The following NELL1 variants were observed in gnomAD, a reference collection of about 807,000 sequenced individuals.
NELL1 encodes the protein neural EGFL like 1.
Under a neutral mutation model 107.4 loss-of-function variants are expected in NELL1, and 76 were observed. The ratio of observed to expected loss-of-function variants is 0.71; its 90% CI spans 0.59 to 0.86. The LOEUF is 0.86. NELL1 is among the 40% of genes least tolerant of loss of function. The pLI, the probability that NELL1 is intolerant of heterozygous loss-of-function variation, is 0.00. For synonymous variants in NELL1, 353 were observed against 341.2 expected (o/e 1.03, Z -0.38); for missense variants, 1,024 against 1,005.5 (o/e 1.02, Z -0.25).
intron 15 of NELL1, among the ~76,000 whole-genome samples, chr11:21,509,053 T>C (rs1235300060): frequency 6.6e-6 from 1 of 152,020 alleles, no homozygotes; most frequent in Non-Finnish European, 1.5e-5. Context: ...ACATAAATAG[T>C]AAAACAAATT....
chr11:21,207,934 T>A (rs1018739120), intron 13 of NELL1, among the ~76,000 whole-genome samples: 2 of 152,196 alleles, frequency 1.3e-5, no homozygotes, highest in Non-Finnish European at 2.9e-5. Context: ...TTATACAACA[T>A]GATGTTATGG....
chr11:21,074,974 G>A (rs1854100800), intron 12 of NELL1, among the ~76,000 whole-genome samples: 1 of 152,058 alleles, frequency 6.6e-6, no homozygotes, highest in Admixed American at 6.6e-5. Context: ...ATTTTGCATG[G>A]GTAGAGAACT....
intron 15 of NELL1, among the ~76,000 whole-genome samples, chr11:21,438,265 TTG>T (rs1491062379): frequency 1.2e-4 from 18 of 149,344 alleles, no homozygotes; most frequent in African/African-American, 4.5e-4. Flanking sequence ...GACAGTTTTT[TTG>T]TTTGTTTGTT....
intron 14 of NELL1, among the ~76,000 whole-genome samples, chr11:21,366,567 A>G (rs549184185): frequency 3.9e-5 from 6 of 152,228 alleles, no homozygotes; most frequent in African/African-American, 1.4e-4. Context: ...CGAAGCACAT[A>G]GAGCTTCCCA....
At chr11:21,513,116 C>A (rs1855480028) in intron 15 of NELL1, among the ~76,000 whole-genome samples, 1 of 152,144 alleles carries the variant, frequency 6.6e-6, no homozygotes, top group Non-Finnish European at 1.5e-5. Context: ...TGAAGTTGCA[C>A]AGAAGAGGTA....
intron 2 of NELL1, among the ~76,000 whole-genome samples, chr11:20,771,086 C>T (rs778266920): frequency 6.6e-6 from 1 of 152,046 alleles, no homozygotes; most frequent in African/African-American, 2.4e-5. Flanking sequence ...AAGCCCCCTC[C>T]ATCTCCCCAA....
At chr11:21,401,009 A>G (rs1396666540) in intron 15 of NELL1, among the ~76,000 whole-genome samples, 1 of 151,940 alleles carries the variant, frequency 6.6e-6, no homozygotes, top group African/African-American at 2.4e-5. Flanking sequence ...CAAATTTCAC[A>G]GTATGTATTT....
At chr11:21,045,992 A>G (rs1853344248) in intron 12 of NELL1, among the ~76,000 whole-genome samples, 1 of 151,938 alleles carries the variant, frequency 6.6e-6, no homozygotes, top group Non-Finnish European at 1.5e-5. Flanking sequence ...TTTCCATTGT[A>G]TTTTGTACCA....
intron 2 of NELL1, among the ~76,000 whole-genome samples, chr11:20,762,534 T>A (rs2133959036): frequency 6.6e-6 from 1 of 152,334 alleles, no homozygotes; most frequent in South Asian, 2.1e-4. Context: ...TTTTTAAATC[T>A]CCCCGATAAT....
At chr11:20,746,205 G>A (rs1367799807) in intron 2 of NELL1, among the ~76,000 whole-genome samples, 5 of 152,144 alleles carry the variant, frequency 3.3e-5, no homozygotes, top group Non-Finnish European at 7.3e-5. Flanking sequence ...GGCAGAGGGA[G>A]AAGCACAGGG....
chr11:21,481,582 G>A (rs1854493707), intron 15 of NELL1, among the ~76,000 whole-genome samples: 1 of 152,188 alleles, frequency 6.6e-6, no homozygotes. Flanking sequence ...TATTGCTGAT[G>A]AGAATAGATA....
In NELL1 at chr11:20,988,808, C is replaced by T. The variant is rs548957001; in HGVS notation, c.1300+28248C>T. On this transcript the variant is annotated intron_variant, in intron 12 of 19. Coordinates refer to ENST00000357134, the MANE Select transcript of NELL1 (RefSeq NM_006157.5). ...TTCACCATGTTAGCCAGGATGGTCT[C>T]GATCTCCTGACCTCGTGATCCGCCT... 1.3e-3 allele frequency among the ~76,000 whole-genome samples: 204 copies of T among 151,952 alleles called. 1 individual carries two copies. Among genetic ancestry groups the T allele is most frequent in the Middle Eastern group, 3.4e-3 (1 of 294 alleles).
At chr11:21,525,713 G>T (rs768167277) in intron 15 of NELL1, among the ~76,000 whole-genome samples, 1 of 152,216 alleles carries the variant, frequency 6.6e-6, no homozygotes, top group Non-Finnish European at 1.5e-5. Flanking sequence ...GAAGGTGAAT[G>T]AGAAGAAAAG....
intron 16 of NELL1, among the ~76,000 whole-genome samples, chr11:21,537,094 A>G (rs1421985624): frequency 6.6e-6 from 1 of 152,086 alleles, no homozygotes; most frequent in African/African-American, 2.4e-5. Flanking sequence ...TTTTATTTCC[A>G]CACTTTTGGG....
intron 5 of NELL1, among the ~76,000 whole-genome samples, chr11:20,890,550 TAAC>T (rs1455324377): frequency 1.3e-5 from 2 of 151,976 alleles, no homozygotes; most frequent in Non-Finnish European, 1.5e-5. Context: ...AGGTGGGTAA[TAAC>T]AAACTCCTCT....
At chr11:20,786,264 C>A (rs899659380) in intron 3 of NELL1, among the ~76,000 whole-genome samples, 1 of 150,142 alleles carries the variant, frequency 6.7e-6, no homozygotes, top group African/African-American at 2.5e-5. Flanking sequence ...GCAGGAGAAT[C>A]GCTTGAACTC....
chr11:21,147,110 A>C (rs952346333), intron 13 of NELL1, among the ~76,000 whole-genome samples: 1 of 152,210 alleles, frequency 6.6e-6, no homozygotes, highest in African/African-American at 2.4e-5. Flanking sequence ...TAGGCTTCTA[A>C]AAGTGGTACT....
intron 14 of NELL1, among the ~76,000 whole-genome samples, chr11:21,286,388 T>C (rs5015917): frequency 0.88 from 133,281 of 152,178 alleles, 59,237 homozygotes; most frequent in Non-Finnish European, 0.95. Flanking sequence ...CTAGCCCAAA[T>C]GGTGCCCACC....
At chr11:21,239,484 G>A (rs1310362139) in intron 14 of NELL1, among the ~76,000 whole-genome samples, 1 of 152,006 alleles carries the variant, frequency 6.6e-6, no homozygotes, top group Non-Finnish European at 1.5e-5. Flanking sequence ...ATGTGTGCTG[G>A]CCTAGTTGTG....
Sources: allele counts gnomAD v4.1 joint callset (sites outside exome capture counted in the v4.1 genomes callset), GRCh38; gene constraint gnomAD v4.1.1; transcripts MANE v1.5; gene names NCBI Gene and HGNC (gene_info 2026-07-23, HGNC 2026-07-21).